The following NBN variants were observed in gnomAD, a reference collection of about 807,000 sequenced individuals.
NBN encodes nibrin.
In NBN, 88 loss-of-function variants were observed where a neutral mutation model predicts 90.8. The observed-to-expected ratio is 0.97, with a 90% CI of 0.82 to 1.16. NBN has a LOEUF of 1.16. Among genes scored for constraint, NBN ranks in the 50% most tolerant of loss-of-function variants. The pLI is 0.00. For synonymous variants in NBN, 328 were observed against 295.1 expected (o/e 1.11, Z -1.14); for missense variants, 894 against 869.6 (o/e 1.03, Z -0.35).
intron 11 of NBN, among the ~76,000 whole-genome samples, chr8:89,948,634 A>T (rs1344811606): frequency 6.6e-6 from 1 of 152,252 alleles, no homozygotes; most frequent in African/African-American, 2.4e-5. Flanking sequence ...TCAGTAATAC[A>T]GCAGTAAGTC....
intron 9 of NBN, among the ~76,000 whole-genome samples, chr8:89,955,939 T>C (rs946626350): frequency 6.6e-6 from 1 of 151,794 alleles, no homozygotes; most frequent in Admixed American, 6.6e-5. Flanking sequence ...ACTTTCATTA[T>C]TATTTATTAT....
chr8:89,982,781 C>G lies in NBN; in HGVS notation c.112G>C (p.Asp38His), dbSNP rs876659565. The G allele has an allele frequency of 6.2e-7, 1 of 1,613,808 alleles. No individual in the cohort carries two copies. Among genetic ancestry groups the G allele is most frequent in the Non-Finnish European group, 8.5e-7 (1 of 1,179,880 alleles). ...RKNCAILIEN[D>H]QSISRNHAVL... is the part of the protein sequence containing the mutation. ...GCATGATTTCGGCTGATCGACTGAT[C>G]ATTTTCAATCAGAATGGCACAGTTT... The change falls in exon 2 of 16, where the codon GAT becomes CAT. Residue 38 changes from aspartate to histidine, a missense_variant. Asp to His is a moderately conservative substitution (Grantham distance 81). Transcript: ENST00000265433.
chr8:89,965,224 G>A (rs1811193030), intron 7 of NBN, among the ~76,000 whole-genome samples: 1 of 151,926 alleles, frequency 6.6e-6, no homozygotes, highest in South Asian at 2.1e-4. Context: ...GAGAGAGGAA[G>A]GACGGAGAGA....
At chr8:89,982,633 G>T in intron 2 of NBN, 89 bp downstream of exon 2, 1 of 1,198,780 alleles carries the variant, frequency 8.3e-7, no homozygotes, top group Non-Finnish European at 1.2e-6. Context: ...GACAAATCCT[G>T]TGAACTCTCT....
rs1276093047 is a variant in NBN at position 89,979,990 on chromosome 8, G to T, written c.480+744C>A. On this transcript the variant is annotated intron_variant, in intron 4 of 15. Coordinates refer to ENST00000265433, the MANE Select transcript of NBN (RefSeq NM_002485.5). ...GCATCCCTACTGAAAACCATAAATGGACACTTTGATTTGTAAATCTACTAT... is the reference window on the plus strand; with the variant it reads ...GCATCCCTACTGAAAACCATAAATGTACACTTTGATTTGTAAATCTACTAT... Among the ~76,000 whole-genome samples, 9 of 152,078 alleles carry T rather than the reference G, an allele frequency of 5.9e-5. No homozygotes were observed. The East Asian group carries it at 1.7e-3, about 29-fold the overall frequency.
In NBN at chr8:89,984,626, G is replaced by T. The variant is rs1812250177; in HGVS notation, c.-65C>A. The T allele has an allele frequency of 2.5e-6, 4 of 1,597,252 alleles. No individual in the cohort carries two copies. The highest frequency in any genetic ancestry group is 3.4e-6 in the Non-Finnish European group (4 of 1,172,076). Reference sequence around the variant, plus strand: ...GTAACCGGGGCTGCTAGACGAGCGCGGATACGGCGCCTGCGGTCGGCATGG... The same window carrying T: ...GTAACCGGGGCTGCTAGACGAGCGCTGATACGGCGCCTGCGGTCGGCATGG... On this transcript the variant is annotated 5_prime_UTR_variant, in exon 1 of 16. Coordinates refer to ENST00000265433, the MANE Select transcript of NBN (RefSeq NM_002485.5).
At chr8:89,965,380 T>C (rs1024676315) in intron 7 of NBN, among the ~76,000 whole-genome samples, 1 of 152,198 alleles carries the variant, frequency 6.6e-6, no homozygotes, top group Non-Finnish European at 1.5e-5. Context: ...TTCTGTAAGG[T>C]CAATGACTGA....
chr8:89,980,079 C>G (rs1304272271), intron 4 of NBN, among the ~76,000 whole-genome samples: 1 of 152,084 alleles, frequency 6.6e-6, no homozygotes, highest in African/African-American at 2.4e-5. Context: ...TTTATAAAAT[C>G]AATTTCATAA....
chr8:89,975,103 G>T (rs934388866), intron 5 of NBN, among the ~76,000 whole-genome samples: 2 of 152,194 alleles, frequency 1.3e-5, no homozygotes, highest in African/African-American at 2.4e-5. Context: ...TTCTAAAAAT[G>T]ACTTCATCTA....
At chr8:89,972,867 G>A (rs192605362) in intron 5 of NBN, among the ~76,000 whole-genome samples, 1 of 152,308 alleles carries the variant, frequency 6.6e-6, no homozygotes, top group African/African-American at 2.4e-5. Context: ...CTGAGTAGAT[G>A]TGAGATTCTT....
intron 6 of NBN, 40 bp downstream of exon 6, chr8:89,971,133 A>G: frequency 6.4e-7 from 1 of 1,572,440 alleles, no homozygotes; most frequent in Middle Eastern, 1.7e-4. Flanking sequence ...CCTAGTTTGT[A>G]ATGTATTCTT....
At chr8:89,937,349 A>C in intron 14 of NBN, 2 of 445,724 alleles carry the variant, frequency 4.5e-6, no homozygotes, top group Non-Finnish European at 8.3e-6. Flanking sequence ...CTGAGTTTTT[A>C]AACACTCTTT....
In NBN at chr8:89,955,547, C is replaced by T. The variant is rs864622123; in HGVS notation, c.1133G>A (p.Ser378Asn). The T allele has an allele frequency of 1.2e-6, 2 of 1,612,830 alleles. No homozygotes were observed. Among genetic ancestry groups the T allele is most frequent in the African/African-American group, 1.3e-5 (1 of 74,940 alleles). The change falls in exon 10 of 16, where the codon AGT becomes AAT. Residue 378 changes from serine to asparagine, a missense_variant. Coordinates refer to ENST00000265433, the MANE Select transcript of NBN (RefSeq NM_002485.5). ...ESEQADTWDL[S>N]ERPKEIKVSK... ...GACTTTGATTTCTTTTGGCCTTTCACTCAAATCCCTGTAGAAAAAGAAAAG... is the reference window on the plus strand; with the variant it reads ...GACTTTGATTTCTTTTGGCCTTTCATTCAAATCCCTGTAGAAAAAGAAAAG...
intron 5 of NBN, among the ~76,000 whole-genome samples, chr8:89,972,156 T>G (rs1466102760): frequency 6.6e-6 from 1 of 152,222 alleles, no homozygotes; most frequent in Non-Finnish European, 1.5e-5. Context: ...GTAAAAACAC[T>G]GCAGTCATTA....
chr8:89,971,768 A>G (rs1811528364), intron 5 of NBN, among the ~76,000 whole-genome samples: 1 of 152,200 alleles, frequency 6.6e-6, no homozygotes, highest in Admixed American at 6.5e-5. Flanking sequence ...AAATTTTTAA[A>G]CTTACATTAT....
intron 1 of NBN, 190 bp downstream of exon 1, chr8:89,984,335 T>G: frequency 1.5e-6 from 1 of 654,202 alleles, no homozygotes; most frequent in South Asian, 1.8e-5. Flanking sequence ...CCGCGCTGAA[T>G]TCCAGCTCAC....
intron 2 of NBN, 105 bp downstream of exon 2, chr8:89,982,617 T>G (rs187129819): frequency 9.2e-7 from 1 of 1,089,636 alleles, no homozygotes; most frequent in Admixed American, 1.7e-5. Context: ...CACAGCTCTA[T>G]AAAATGACAA....
intron 8 of NBN, among the ~76,000 whole-genome samples, chr8:89,961,319 A>G (rs578002853): frequency 6.6e-6 from 1 of 152,316 alleles, no homozygotes; most frequent in Non-Finnish European, 1.5e-5. Flanking sequence ...CCTATTACAA[A>G]CAAGTACCGT....
chr8:89,978,193 T>C (rs765155448), intron 5 of NBN, 27 bp downstream of exon 5: 9 of 1,565,204 alleles, frequency 5.8e-6, no homozygotes, highest in Middle Eastern at 1.7e-4. Context: ...AAGTGACATC[T>C]TGTTATATTT....
Sources: gnomAD v4.1 joint callset for allele counts (sites outside exome capture counted in the v4.1 genomes callset) on GRCh38, gnomAD v4.1.1 for gene constraint, MANE v1.5 for transcripts, NCBI Gene and HGNC (gene_info 2026-07-23, HGNC 2026-07-21) for gene names.